The following PDZRN3 variants were observed in gnomAD, a reference collection of about 807,000 sequenced individuals.
PDZRN3 encodes PDZ domain containing ring finger 3, also known as E3 ubiquitin-protein ligase PDZRN3.
Under a neutral mutation model 85.7 loss-of-function variants are expected in PDZRN3, and 38 were observed. The observed-to-expected ratio is 0.44, with a 90% CI of 0.34 to 0.58. The LOEUF (loss-of-function observed/expected upper bound fraction) is 0.58, where lower values mean the gene tolerates loss of function less well. Among genes scored for constraint, PDZRN3 ranks in the 20% least tolerant of loss-of-function variants. The pLI, the probability that PDZRN3 is intolerant of heterozygous loss-of-function variation, is 0.01. For missense variants in PDZRN3, 1,629 were observed against 1,506.4 expected (o/e 1.08, Z -1.35); for synonymous variants, 759 against 638.0 (o/e 1.19, Z -2.86).
In PDZRN3 at chr3:73,615,821, G is replaced by A. The variant is rs1253742798; in HGVS notation, c.724-7137C>T. Among the ~76,000 whole-genome samples, 2 of 152,132 alleles carry A rather than the reference G, an allele frequency of 1.3e-5. 1 individual carries two copies. Among genetic ancestry groups the A allele is most frequent in the Admixed American group, 1.3e-4 (2 of 15,264 alleles). ...CAGCCTAAATGGCCTAAGACAGAGT[G>A]GTTTTCAAATGTATACATCCAATTA... is the stretch of plus-strand genomic sequence containing the variant. On this transcript the variant is annotated intron_variant, in intron 1 of 9. Transcript: ENST00000263666.
intron 3 of PDZRN3, among the ~76,000 whole-genome samples, chr3:73,592,133 T>C (rs34949731): frequency 0.57 from 87,084 of 151,960 alleles, 25,751 homozygotes; most frequent in East Asian, 0.69. Flanking sequence ...AAAATCAACA[T>C]CTAACCAGTT....
chr3:73,498,764 T>G (rs538677353), intron 3 of PDZRN3, among the ~76,000 whole-genome samples: 1 of 152,100 alleles, frequency 6.6e-6, no homozygotes, highest in Non-Finnish European at 1.5e-5. Flanking sequence ...TTTGTATATT[T>G]AGTAGAGACG....
chr3:73,417,286 C>T (rs1462447608), intron 3 of PDZRN3, among the ~76,000 whole-genome samples: 2 of 152,090 alleles, frequency 1.3e-5, no homozygotes, highest in Admixed American at 6.5e-5. Flanking sequence ...TAATTTTCTC[C>T]CTCTTGCTTC....
intron 3 of PDZRN3, among the ~76,000 whole-genome samples, chr3:73,545,151 G>A (rs1200544946): frequency 1.3e-5 from 2 of 152,192 alleles, no homozygotes; most frequent in Non-Finnish European, 2.9e-5. Flanking sequence ...CAAGCGCCTG[G>A]CGTCTCCTGA....
intron 3 of PDZRN3, among the ~76,000 whole-genome samples, chr3:73,533,517 T>C (rs1193016308): frequency 6.6e-6 from 1 of 152,180 alleles, no homozygotes; most frequent in African/African-American, 2.4e-5. Flanking sequence ...ATCCATGGCA[T>C]ATTAGAAACT....
At chr3:73,477,619 T>C (rs1219722845) in intron 3 of PDZRN3, among the ~76,000 whole-genome samples, 1 of 152,184 alleles carries the variant, frequency 6.6e-6, no homozygotes, top group Non-Finnish European at 1.5e-5. Context: ...TAAATCAAGA[T>C]TTTTAAATTC....
At chr3:73,399,252 T>G (rs1701701640) in intron 5 of PDZRN3, among the ~76,000 whole-genome samples, 2 of 152,204 alleles carry the variant, frequency 1.3e-5, no homozygotes. Flanking sequence ...GAACTCTACT[T>G]TGCCACAATT....
intron 3 of PDZRN3, among the ~76,000 whole-genome samples, chr3:73,501,580 A>G (rs1018235057): frequency 1.3e-5 from 2 of 152,236 alleles, no homozygotes; most frequent in African/African-American, 4.8e-5. Context: ...CTATGTAAAA[A>G]GCATAAATAA....
At chr3:73,451,009 TACCG>T (rs1338478545) in intron 3 of PDZRN3, among the ~76,000 whole-genome samples, 81 of 151,936 alleles carry the variant, frequency 5.3e-4, no homozygotes, top group African/African-American at 1.9e-3. Context: ...TGGGGAAACC[TACCG>T]TCACCGCCAA....
At position 73,555,180 on chromosome 3, in the gene PDZRN3, A is replaced by G. The variant is rs1005420559; in HGVS notation, c.918+47174T>C. On this transcript the variant is annotated intron_variant, in intron 3 of 9. Coordinates refer to ENST00000263666, the MANE Select transcript of PDZRN3 (RefSeq NM_015009.3). ...TTCTTTCAGAGAGGATGATTATACC[A>G]TAATCACTGACATTTTTAAGGAACA... Among the ~76,000 whole-genome samples, 7 of 152,258 alleles carry G rather than the reference A, an allele frequency of 4.6e-5. No homozygotes were observed. The South Asian group carries it at 1.0e-3, about 23-fold the overall frequency.
rs1704488986 is a variant in PDZRN3 at position 73,524,985 on chromosome 3, A to T, written c.918+77369T>A. On this transcript the variant is annotated intron_variant, in intron 3 of 9. Transcript: ENST00000263666. ...TCATATATATGAAAATCACAGATAT[A>T]AGAAATTATAAATTTATAATAAAAT... is the stretch of plus-strand genomic sequence containing the variant. 2.0e-5 allele frequency among the ~76,000 whole-genome samples: 3 copies of T among 149,258 alleles called. No individual in the cohort carries two copies. In the Admixed American group the frequency reaches 2.0e-4, roughly 10 times the overall value.
At chr3:73,484,980 T>C (rs1453405066) in intron 3 of PDZRN3, among the ~76,000 whole-genome samples, 1 of 151,880 alleles carries the variant, frequency 6.6e-6, no homozygotes, top group Non-Finnish European at 1.5e-5. Flanking sequence ...AATTTAACTT[T>C]AAAATGAAAC....
chr3:73,544,884 T>C (rs2106789937), intron 3 of PDZRN3, among the ~76,000 whole-genome samples: 1 of 152,278 alleles, frequency 6.6e-6, no homozygotes, highest in African/African-American at 2.4e-5. Context: ...TCAGAATGTG[T>C]GAGATTTGAT....
At chr3:73,497,895 C>A (rs1004871473) in intron 3 of PDZRN3, among the ~76,000 whole-genome samples, 1 of 152,106 alleles carries the variant, frequency 6.6e-6, no homozygotes, top group Admixed American at 6.5e-5. Context: ...AAGAACCCCC[C>A]ACCACTGCCC....
intron 1 of PDZRN3, among the ~76,000 whole-genome samples, chr3:73,621,352 T>C (rs1702857616): frequency 6.6e-6 from 1 of 152,208 alleles, no homozygotes; most frequent in Non-Finnish European, 1.5e-5. Flanking sequence ...AAAATCTGAG[T>C]GTTTCTAATC....
chr3:73,470,526 T>C (rs1268735456), intron 3 of PDZRN3, among the ~76,000 whole-genome samples: 1 of 152,182 alleles, frequency 6.6e-6, no homozygotes, highest in African/African-American at 2.4e-5. Context: ...GAGGTGGTGG[T>C]AGGATTTGAA....
Position 73,546,197 on chromosome 3 carries a change from G to A in PDZRN3, c.918+56157C>T, listed in dbSNP as rs578097099. Among the ~76,000 whole-genome samples, 7 of 152,294 alleles carry A rather than the reference G, an allele frequency of 4.6e-5. No individual in the cohort carries two copies. In the East Asian group the frequency reaches 1.4e-3, roughly 29 times the overall value. On this transcript the variant is annotated intron_variant, in intron 3 of 9. Coordinates refer to ENST00000263666, the MANE Select transcript of PDZRN3 (RefSeq NM_015009.3). ...GGTGAAATTCACTGGAGGAAGTTTA[G>A]CTTCTGTTTCTCCACCTGGCATGAT...
chr3:73,588,534 T>C (rs1229846044), intron 3 of PDZRN3, among the ~76,000 whole-genome samples: 2 of 152,142 alleles, frequency 1.3e-5, no homozygotes, highest in African/African-American at 4.8e-5. Context: ...TCAAAAGCCC[T>C]CCTCAGTCCT....
chr3:73,608,665 A>C lies in PDZRN3; in HGVS notation c.743T>G (p.Leu248Arg). The change falls in exon 2 of 10, where the codon CTG (leucine) becomes CGG (arginine). Residue 248 changes from leucine (L) to arginine (R), a missense_variant. By Grantham distance (102) the Leu-to-Arg change is moderately radical. Transcript: ENST00000263666. ...PGGKGEETKSLTLVLHRDSGS... is the reference protein window; with the variant it reads ...PGGKGEETKSRTLVLHRDSGS... Reference sequence around the variant, plus strand: ...GGAGTCCCGATGCAGGACAAGAGTCAGACTTTTGGTTTCTTCGCCCTGCAG... The same window carrying C: ...GGAGTCCCGATGCAGGACAAGAGTCCGACTTTTGGTTTCTTCGCCCTGCAG... 1 of 1,611,912 alleles carries C rather than the reference A, an allele frequency of 6.2e-7. No individual in the cohort carries two copies. The highest frequency in any genetic ancestry group is 8.5e-7 in the Non-Finnish European group (1 of 1,178,680).
Sources: allele counts gnomAD v4.1 joint callset (sites outside exome capture counted in the v4.1 genomes callset), GRCh38; gene constraint gnomAD v4.1.1; transcripts MANE v1.5; gene names NCBI Gene and HGNC (gene_info 2026-07-23, HGNC 2026-07-21).